Variants in IQSEC1 observed in about 807,000 individuals in gnomAD.
IQSEC1 encodes the protein IQ motif and SEC7 domain-containing protein 1.
IQSEC1 carries 31 observed loss-of-function variants against 91.0 expected under a neutral mutation model. The observed-to-expected ratio is 0.34, with a 90% CI of 0.26 to 0.46. IQSEC1 has a LOEUF of 0.46. Ranked by LOEUF, IQSEC1 falls within the 20% of genes least tolerant of loss-of-function variation. The pLI is 1.00. For missense variants in IQSEC1, 1,388 were observed against 1,575.6 expected, an observed-to-expected ratio of 0.88 and a Z score of 2.02; for synonymous variants, 699 against 662.6, an observed-to-expected ratio of 1.05 and a Z score of -0.84.
intron 1 of IQSEC1, among the ~76,000 whole-genome samples, chr3:12,946,301 C>T (rs1457424328): frequency 6.6e-6 from 1 of 152,208 alleles, no homozygotes; most frequent in African/African-American, 2.4e-5. Flanking sequence ...CTGGTGAACA[C>T]ACCAGTGTGA....
rs745615824 is a variant in IQSEC1 at position 12,935,970 on chromosome 3, G to A, written c.1046C>T (p.Pro349Leu). Residue 349 changes from proline (P) to leucine (L), a missense_variant, in exon 3 of 14, where the codon CCG becomes CTG. Physicochemically the swap from Pro to Leu is moderately conservative, Grantham distance 98 (BLOSUM62 -3). Transcript: ENST00000613206. This position sits in a 1 kb window ranked among gnomAD's most constrained non-coding sequence, Gnocchi z 8.0. ...ADTDTSCRST[P>L]SLERQEQRLR... is the part of the protein sequence containing the mutation. ...CCGCTGCTCCTGCCGCTCCAGCGAC[G>A]GCGTGCTCCGGCAGCTCGTGTCCGT... is the stretch of plus-strand genomic sequence containing the variant. The A allele has an allele frequency of 1.3e-4, 201 of 1,599,044 alleles. No homozygotes were observed. The highest frequency in any genetic ancestry group is 8.5e-4 in the Middle Eastern group (5 of 5,862).
chr3:12,911,819 A>G, intron 9 of IQSEC1, 91 bp from the exon 10 acceptor site: 1 of 881,020 alleles, frequency 1.1e-6, no homozygotes, highest in Non-Finnish European at 1.9e-6. Flanking sequence ...CCTGGAGTTC[A>G]AAGTCAGGAG....
At chr3:13,243,356 C>T (rs57409795) in intron 1 of IQSEC1, among the ~76,000 whole-genome samples, 1 of 152,070 alleles carries the variant, frequency 6.6e-6, no homozygotes, top group Non-Finnish European at 1.5e-5. Context: ...AGCTGACCCT[C>T]GGACGAAGGG....
intron 1 of IQSEC1, among the ~76,000 whole-genome samples, chr3:13,019,380 G>A (rs917352043): frequency 6.6e-6 from 1 of 152,240 alleles, no homozygotes; most frequent in Non-Finnish European, 1.5e-5. Flanking sequence ...GACCCAGCCA[G>A]GGGCAACAGG....
rs1459797870 is a variant in IQSEC1, at chr3:12,935,062, T to G, written c.1568+386A>C. Reference sequence around the variant, plus strand: ...CTGACACAACCGGTCATACCCCTGCTCAAAGGCCTTTGTGTCCCACATCAC... The same window carrying G: ...CTGACACAACCGGTCATACCCCTGCGCAAAGGCCTTTGTGTCCCACATCAC... On this transcript the variant is annotated intron_variant, in intron 3 of 13. Coordinates refer to ENST00000613206, the MANE Select transcript of IQSEC1 (RefSeq NM_001134382.3). The surrounding 1 kb of genome is among the most constrained non-coding windows in gnomAD (Gnocchi z 8.0). Among the ~76,000 whole-genome samples, 1 of 151,954 alleles carries G rather than the reference T, an allele frequency of 6.6e-6. No individual in the cohort carries two copies. Among genetic ancestry groups the G allele is most frequent in the African/African-American group, 2.4e-5 (1 of 41,320 alleles).
chr3:13,267,628 T>C (rs1695516294), intron 1 of IQSEC1, among the ~76,000 whole-genome samples: 1 of 150,860 alleles, frequency 6.6e-6, no homozygotes, highest in African/African-American at 2.4e-5. Flanking sequence ...TTTCTTTTTT[T>C]TTTTTTTTAG....
At position 13,154,438 on chromosome 3, in the gene IQSEC1, C is replaced by CATATATATATATAT. The variant is rs774589168; in HGVS notation, c.302+9652_302+9665dup. Among the ~76,000 whole-genome samples, 169 of 20,698 alleles carry CATATATATATATAT rather than the reference C, an allele frequency of 8.2e-3. 6 individuals carry two copies. The highest frequency in any genetic ancestry group is 0.01 in the Non-Finnish European group (127 of 12,340). The allele number at this position is 20,698 out of a possible 152,430, so 13.6% of individuals were successfully genotyped here. A position where few individuals can be genotyped will look rare whatever the true frequency, so the allele number is the denominator to read the frequency against. On this transcript the variant is annotated intron_variant, in intron 2 of 15. Coordinates refer to the IQSEC1 transcript ENST00000648114. ...ACACCAGGAAGCTGGAACTTACATG[C>CATATATATATATAT]ATATATATATATATATATATATATA...
chr3:13,206,383 G>A (rs1172280209), intron 1 of IQSEC1, among the ~76,000 whole-genome samples: 1 of 152,180 alleles, frequency 6.6e-6, no homozygotes, highest in Non-Finnish European at 1.5e-5. Flanking sequence ...CCCATGACAA[G>A]ACGCTCTACA....
intron 1 of IQSEC1, among the ~76,000 whole-genome samples, chr3:13,265,104 G>A (rs1695465210): frequency 6.6e-6 from 1 of 152,202 alleles, no homozygotes; most frequent in East Asian, 1.9e-4. Flanking sequence ...CAGAAGGTCT[G>A]GTCATGCGTC....
chr3:12,991,566 T>C (rs954853133), intron 1 of IQSEC1, among the ~76,000 whole-genome samples: 2 of 152,092 alleles, frequency 1.3e-5, no homozygotes, highest in Non-Finnish European at 2.9e-5. Flanking sequence ...GGGGGAGTGA[T>C]GAGGGCTCTG....
At chr3:12,951,635 G>A (rs568038622) in intron 1 of IQSEC1, among the ~76,000 whole-genome samples, 34 of 152,316 alleles carry the variant, frequency 2.2e-4, no homozygotes, top group Admixed American at 4.6e-4. Flanking sequence ...AGTTCTAGGA[G>A]AATGATGCCT....
chr3:13,236,345 G>A (rs1694927858), intron 1 of IQSEC1, among the ~76,000 whole-genome samples: 1 of 152,200 alleles, frequency 6.6e-6, no homozygotes, highest in African/African-American at 2.4e-5. Flanking sequence ...GGCTGTGCTG[G>A]ACTGGAAACT....
At chr3:12,962,090 C>A (rs1230761298) in intron 1 of IQSEC1, among the ~76,000 whole-genome samples, 1 of 152,216 alleles carries the variant, frequency 6.6e-6, no homozygotes, top group Non-Finnish European at 1.5e-5. Flanking sequence ...AGATGGGTGA[C>A]TGACGCCAGG....
chr3:13,233,562 AG>A (rs1694870795), intron 1 of IQSEC1, among the ~76,000 whole-genome samples: 2 of 152,164 alleles, frequency 1.3e-5, no homozygotes, highest in Admixed American at 6.5e-5. Context: ...CCAAGCCTCA[AG>A]GGGTTGGTCC....
intron 1 of IQSEC1, among the ~76,000 whole-genome samples, chr3:13,017,636 T>C (rs979522358): frequency 2.0e-5 from 3 of 152,176 alleles, no homozygotes; most frequent in Non-Finnish European, 4.4e-5. Context: ...GAATGGATAG[T>C]TAGCACCTGG....
At position 13,109,265 on chromosome 3, in the gene IQSEC1, C is replaced by T. The variant is rs576297161; in HGVS notation, c.302+54839G>A. On this transcript the variant is annotated intron_variant, in intron 2 of 15. Transcript: ENST00000648114. Reference sequence around the variant, plus strand: ...CAGCCGAGGCCCCCCTCCTCCCTCCCATTCTCCCACCACTCTTTTTTCTTC... The same window carrying T: ...CAGCCGAGGCCCCCCTCCTCCCTCCTATTCTCCCACCACTCTTTTTTCTTC... Among the ~76,000 whole-genome samples the T allele has an allele frequency of 2.0e-5, 3 of 152,308 alleles. No individual in the cohort carries two copies. In the East Asian group the frequency reaches 5.8e-4, roughly 29 times the overall value.
intron 2 of IQSEC1, among the ~76,000 whole-genome samples, chr3:13,090,851 G>C (rs917174193): frequency 1.3e-5 from 2 of 152,096 alleles, no homozygotes; most frequent in African/African-American, 4.8e-5. Context: ...CTCAGCCGGG[G>C]ACACTCAGGC....
rs185836989 is a variant in IQSEC1, at chr3:12,909,397, G to T, written c.2454C>A (p.Pro818=). 6.2e-7 allele frequency: 1 copy of T among 1,614,156 alleles called. No homozygotes were observed. Among genetic ancestry groups the T allele is most frequent in the Admixed American group, 1.7e-5 (1 of 60,022 alleles). ...TTATTAACACTTTGATATCTGCTCC[G>T]GGGACAGACGAGGTGAGCCGGATGC... is the stretch of plus-strand genomic sequence containing the variant. ...PNGIRLTSSV[P]GADIKVLINF... The change falls in exon 11 of 14, where the codon CCC becomes CCA. Residue 818 remains proline (P), a synonymous_variant. Transcript: ENST00000613206. The surrounding 1 kb of genome is among the most constrained non-coding windows in gnomAD (Gnocchi z 4.9).
chr3:13,040,545 C>T (rs1404663352), intron 1 of IQSEC1, among the ~76,000 whole-genome samples: 3 of 152,198 alleles, frequency 2.0e-5, no homozygotes, highest in Non-Finnish European at 2.9e-5. Flanking sequence ...ACTTGGACCA[C>T]GTGGCCCCCA....
Sources: allele counts gnomAD v4.1 joint callset (sites outside exome capture counted in the v4.1 genomes callset), GRCh38; gene constraint gnomAD v4.1.1; non-coding constraint Gnocchi (gnomAD v3.1); transcripts MANE v1.5; gene names NCBI Gene and HGNC (gene_info 2026-07-23, HGNC 2026-07-21).